The following PCGF6 variants were observed in gnomAD, a reference collection of about 807,000 sequenced individuals.
PCGF6 encodes polycomb group RING finger protein 6.
PCGF6 carries 24 observed loss-of-function variants against 45.5 expected under a neutral mutation model. The observed-to-expected ratio is 0.53, with a 90% confidence interval of 0.38 to 0.74. The LOEUF (loss-of-function observed/expected upper bound fraction) is 0.74, where lower values mean the gene tolerates loss of function less well. Ranked by LOEUF, PCGF6 falls within the 30% of genes least tolerant of loss-of-function variation. The pLI is 0.00. For synonymous variants in PCGF6, 152 were observed against 162.1 expected, an observed-to-expected ratio of 0.94 and a Z score of 0.47; for missense variants, 356 against 443.2, an observed-to-expected ratio of 0.80 and a Z score of 1.77.
chr10:103,335,454 C>G (rs1041857574), intron 6 of PCGF6, among the ~76,000 whole-genome samples: 2 of 151,802 alleles, frequency 1.3e-5, no homozygotes, highest in African/African-American at 4.8e-5. Context: ...CTCTGCCTCC[C>G]GGGTTCAAGC....
chr10:103,337,166 A>C (rs1370528841), intron 6 of PCGF6, among the ~76,000 whole-genome samples: 2 of 152,194 alleles, frequency 1.3e-5, no homozygotes, highest in Non-Finnish European at 2.9e-5. Context: ...AGAGCTGAAC[A>C]CAATACTCTT....
chr10:103,335,993 G>A (rs1035947381), intron 6 of PCGF6, among the ~76,000 whole-genome samples: 4 of 151,784 alleles, frequency 2.6e-5, no homozygotes, highest in Admixed American at 2.0e-4. Context: ...GAGGCCAGGC[G>A]CGGTGGCTCA....
At position 103,347,591 on chromosome 10, in the gene PCGF6, C is replaced by T. The variant is rs1231340230; in HGVS notation, c.558-141G>A. On this transcript the variant is annotated intron_variant, in intron 3 of 9. Transcript: ENST00000369847. ...TACTTTTAAGTAGCATTTACAGTTC[C>T]TAAAATATAACTCACTCAAGAAAAC... 3.8e-5 allele frequency: 25 copies of T among 652,842 alleles called. No homozygotes were observed. In the East Asian group the frequency reaches 5.2e-4, roughly 14 times the overall value. The allele number at this position is 652,842 out of a possible 1,614,324, so 40.4% of individuals were successfully genotyped here.
At chr10:103,315,872 A>ATACT (rs2093173277) in intron 8 of PCGF6, among the ~76,000 whole-genome samples, 1 of 152,086 alleles carries the variant, frequency 6.6e-6, no homozygotes, top group South Asian at 2.1e-4. Context: ...AGACTCTACT[A>ATACT]TACTTACTTG....
At chr10:103,304,089 A>G in intron 9 of PCGF6, 128 bp from the exon 10 acceptor site, 1 of 712,238 alleles carries the variant, frequency 1.4e-6, no homozygotes, top group Non-Finnish European at 2.4e-6. Context: ...ATTTAAAGAA[A>G]ATAAGTGGAC....
At chr10:103,319,132 T>C (rs910074215) in intron 8 of PCGF6, among the ~76,000 whole-genome samples, 1 of 152,194 alleles carries the variant, frequency 6.6e-6, no homozygotes, top group African/African-American at 2.4e-5. Context: ...TAAGCCACAC[T>C]GGCTCATTCC....
At chr10:103,347,127 A>T (rs2093302544) in intron 5 of PCGF6, 111 bp downstream of exon 5, 7 of 787,010 alleles carry the variant, frequency 8.9e-6, no homozygotes, top group Non-Finnish European at 1.4e-5. Flanking sequence ...TACCTTCAAA[A>T]TCTCTCTGAT....
chr10:103,319,178 C>T (rs2093187464), intron 8 of PCGF6, among the ~76,000 whole-genome samples: 1 of 152,160 alleles, frequency 6.6e-6, no homozygotes, highest in Admixed American at 6.6e-5. Context: ...GAGATGGAGT[C>T]TCACTCTGCC....
At chr10:103,327,456 AG>A (rs2093222901) in intron 7 of PCGF6, among the ~76,000 whole-genome samples, 1 of 152,180 alleles carries the variant, frequency 6.6e-6, no homozygotes, top group Non-Finnish European at 1.5e-5. Context: ...AACAATTTTC[AG>A]GGGACAATCT....
intron 6 of PCGF6, among the ~76,000 whole-genome samples, chr10:103,337,167 C>T (rs1161494744): frequency 1.3e-5 from 2 of 152,144 alleles, no homozygotes; most frequent in Non-Finnish European, 2.9e-5. Context: ...GAGCTGAACA[C>T]AATACTCTTG....
chr10:103,351,070 C>G lies in PCGF6; in HGVS notation c.-4G>C, dbSNP rs1036235496. On this transcript the variant is annotated 5_prime_UTR_variant, in exon 1 of 10. Transcript: ENST00000369847. ...TCACCACCGCGACCCCCTCCATGGT[C>G]GGGAGAGACACCAGGCGAGGCGAGG... The G allele has an allele frequency of 1.4e-6, 2 of 1,379,768 alleles. No individual in the cohort carries two copies. Among genetic ancestry groups the G allele is most frequent in the African/African-American group, 1.5e-5 (1 of 66,698 alleles). 85.5% of individuals were successfully genotyped at this position (1,379,768 alleles called of 1,614,324 possible).
intron 9 of PCGF6, among the ~76,000 whole-genome samples, chr10:103,309,771 A>C (rs2093150125): frequency 6.6e-6 from 1 of 151,904 alleles, no homozygotes; most frequent in South Asian, 2.1e-4. Context: ...CTCTACAAAA[A>C]ATTAAAAAAA....
chr10:103,318,743 GAAAAAAA>G (rs960055960), intron 8 of PCGF6, among the ~76,000 whole-genome samples: 10 of 138,798 alleles, frequency 7.2e-5, no homozygotes, highest in Non-Finnish European at 1.4e-4. Flanking sequence ...GACTCTGTCT[GAAAAAAA>G]AAAAGAAAAA....
intron 8 of PCGF6, among the ~76,000 whole-genome samples, chr10:103,318,930 C>A (rs939898029): frequency 6.6e-6 from 1 of 152,076 alleles, no homozygotes; most frequent in Non-Finnish European, 1.5e-5. Context: ...AAGGCTGATA[C>A]GTTAACTCTT....
chr10:103,339,676 G>A (rs929630612), intron 6 of PCGF6, among the ~76,000 whole-genome samples: 18 of 150,826 alleles, frequency 1.2e-4, no homozygotes, highest in Middle Eastern at 3.4e-3. Context: ...TGTAATCCCC[G>A]CTACTCTGGA....
At chr10:103,320,514 C>T (rs1273737240) in intron 8 of PCGF6, among the ~76,000 whole-genome samples, 1 of 152,038 alleles carries the variant, frequency 6.6e-6, no homozygotes, top group Non-Finnish European at 1.5e-5. Flanking sequence ...TGGAGAAACT[C>T]TGTCTACTAA....
At position 103,345,124 on chromosome 10, in the gene PCGF6, G is replaced by C; in HGVS notation, c.682C>G (p.Gln228Glu). 1.2e-6 allele frequency: 2 copies of C among 1,603,452 alleles called. No individual in the cohort carries two copies. Among genetic ancestry groups the C allele is most frequent in the Non-Finnish European group, 1.7e-6 (2 of 1,174,846 alleles). ...GLEVPKPAVPQPVPSSKGRSK... is the reference protein window; with the variant it reads ...GLEVPKPAVPEPVPSSKGRSK... ...CTTCCTTTGCTTGAAGGGACTGGCT[G>C]TGGAACAGCTATTTAATAGTCAAAC... The change falls in exon 6 of 10, where the codon CAG becomes GAG. Residue 228 changes from glutamine (Q) to glutamate (E), a missense_variant. By Grantham distance (29) the Gln-to-Glu change is conservative. Coordinates refer to ENST00000369847, the MANE Select transcript of PCGF6 (RefSeq NM_001011663.2).
At chr10:103,343,832 CAAAAAAAAA>C (rs71019677) in intron 6 of PCGF6, among the ~76,000 whole-genome samples, 1 of 32,476 alleles carries the variant, frequency 3.1e-5, no homozygotes, top group Non-Finnish European at 5.7e-5. Flanking sequence ...AACTCTGTCT[CAAAAAAAAA>C]AAAAAAAAAG....
chr10:103,323,035 T>C (rs1054270348), intron 8 of PCGF6, among the ~76,000 whole-genome samples: 18 of 152,156 alleles, frequency 1.2e-4, no homozygotes, highest in Admixed American at 5.9e-4. Flanking sequence ...GCAAGTCTTC[T>C]GCTTTTAGAA....
Sources: gnomAD v4.1 joint callset for allele counts (sites outside exome capture counted in the v4.1 genomes callset) on GRCh38, gnomAD v4.1.1 for gene constraint, MANE v1.5 for transcripts, NCBI Gene and HGNC (gene_info 2026-07-23, HGNC 2026-07-21) for gene names.